NCR2: variants seen among roughly 807,000 people sequenced by gnomAD.
The protein encoded by NCR2 is natural cytotoxicity triggering receptor 2, also known as NK cell activating receptor (NKp44).
In NCR2, 35 loss-of-function variants were observed where a neutral mutation model predicts 30.7. That is an observed-to-expected ratio of 1.14 (90% CI 0.87 to 1.51). NCR2 has a LOEUF of 1.51. Among genes scored for constraint, NCR2 ranks in the 40% most tolerant of loss-of-function variants. The pLI is 0.00. For synonymous variants in NCR2, 146 were observed against 134.8 expected (o/e 1.08, Z -0.58); for missense variants, 316 against 328.9 (o/e 0.96, Z 0.30).
chr6:41,347,066 C>A (rs1769317727), intron 4 of NCR2, among the ~76,000 whole-genome samples: 1 of 152,146 alleles, frequency 6.6e-6, no homozygotes, highest in Admixed American at 6.5e-5. Flanking sequence ...CAAGAATATT[C>A]CAGCCGAGCA....
chr6:41,342,478 A>C (rs1224231805), intron 4 of NCR2, among the ~76,000 whole-genome samples: 1,101 of 53,016 alleles, frequency 0.021, no homozygotes, highest in Admixed American at 0.03. Context: ...TTCCCATTCC[A>C]CCCCCTTCCT....
At chr6:41,345,627 G>C (rs189532679) in intron 4 of NCR2, among the ~76,000 whole-genome samples, 1 of 151,938 alleles carries the variant, frequency 6.6e-6, no homozygotes, top group Admixed American at 6.6e-5. Context: ...TCAGACTCCA[G>C]TACAGCCTCT....
At chr6:41,343,033 C>T (rs1244105748) in intron 4 of NCR2, 1 of 1,548,464 alleles carries the variant, frequency 6.5e-7, no homozygotes, top group South Asian at 1.2e-5. Flanking sequence ...AGGTGGGCGG[C>T]CAGTCTCCAA....
rs1440583703 is a variant in NCR2 at position 41,341,816 on chromosome 6, C to G, written c.417C>G (p.Ser139=). The change falls in exon 3 of 5, where the codon TCC becomes TCG. Residue 139 remains serine (S), a synonymous_variant. Coordinates refer to ENST00000373089, the MANE Select transcript of NCR2 (RefSeq NM_004828.4). Reference sequence around the variant, plus strand: ...CAGCCTCTGCCTCCACACAGACCTCCTGGACTCCCCGCGACCTGGTCTCTT... The same window carrying G: ...CAGCCTCTGCCTCCACACAGACCTCGTGGACTCCCCGCGACCTGGTCTCTT... ...VSPASASTQT[S]WTPRDLVSSQ... 2 of 1,612,296 alleles carry G rather than the reference C, an allele frequency of 1.2e-6. No individual in the cohort carries two copies. The highest frequency in any genetic ancestry group is 1.7e-6 in the Non-Finnish European group (2 of 1,179,826).
chr6:41,336,109 TCAG>T lies in NCR2; in HGVS notation c.76_78del (p.Gln26del). ...CAGGCTCTCAGGCACAATCCAAGGC[TCAG>T]GTACTTCAAAGTGTGGCAGGGCAGA... is the stretch of plus-strand genomic sequence containing the variant. On this transcript the variant is annotated inframe_deletion, in exon 2 of 5. Transcript: ENST00000373089. 1.2e-6 allele frequency: 2 copies of T among 1,613,908 alleles called. No homozygotes were observed. The highest frequency in any genetic ancestry group is 8.5e-7 in the Non-Finnish European group (1 of 1,179,938).
At chr6:41,337,673 G>A (rs769795898) in intron 2 of NCR2, among the ~76,000 whole-genome samples, 44 of 152,072 alleles carry the variant, frequency 2.9e-4, no homozygotes, top group African/African-American at 6.0e-4. Flanking sequence ...CTGGTCTCAC[G>A]GAGGTATAAT....
chr6:41,349,453 G>A (rs1025455954), intron 4 of NCR2, among the ~76,000 whole-genome samples: 1 of 152,126 alleles, frequency 6.6e-6, no homozygotes, highest in Non-Finnish European at 1.5e-5. Flanking sequence ...GTGTGCTCTT[G>A]GATGGGGGCT....
chr6:41,336,479 G>T, intron 2 of NCR2, 51 bp downstream of exon 2: 1 of 1,486,898 alleles, frequency 6.7e-7, no homozygotes. Context: ...CCCCCTTTTG[G>T]TGCCTCCATC....
At chr6:41,341,461 C>T (rs929397231) in intron 2 of NCR2, among the ~76,000 whole-genome samples, 6 of 152,184 alleles carry the variant, frequency 3.9e-5, no homozygotes, top group South Asian at 2.1e-4. Flanking sequence ...GGCAGAGAGC[C>T]GAAGGGGCCC....
In NCR2 at chr6:41,343,125, G is replaced by C. The variant is rs1421105344; in HGVS notation, c.644+976G>C. 7.6e-6 allele frequency: 8 copies of C among 1,059,376 alleles called. No individual in the cohort carries two copies. In the Admixed American group the frequency reaches 1.9e-4, roughly 26 times the overall value. The allele number at this position is 1,059,376 out of a possible 1,614,324, so 65.6% of individuals were successfully genotyped here. On this transcript the variant is annotated intron_variant, in intron 4 of 4. Transcript: ENST00000373089. ...AAGAAAAGGCCAGGACTTGATCCAA[G>C]GCCTTTAGCCACGCTCTCCCTGCAG...
intron 2 of NCR2, among the ~76,000 whole-genome samples, chr6:41,341,542 G>A (rs1022955061): frequency 1.3e-5 from 2 of 152,230 alleles, no homozygotes; most frequent in South Asian, 4.1e-4. Context: ...AGTGCCTCCT[G>A]AGTCCTCTTC....
At chr6:41,340,746 C>T (rs567179313) in intron 2 of NCR2, among the ~76,000 whole-genome samples, 2 of 152,320 alleles carry the variant, frequency 1.3e-5, no homozygotes, top group South Asian at 4.1e-4. Context: ...CCATAGATGA[C>T]ACATTCAATA....
In NCR2 at chr6:41,341,911, C is replaced by T. The variant is rs1769180862; in HGVS notation, c.512C>T (p.Thr171Ile). Reference sequence around the variant, plus strand: ...AGACAAGCCCCTGAGTCTCCATCTACCATCCCTGTCCCTTCACAGTGAGTT... The same window carrying T: ...AGACAAGCCCCTGAGTCTCCATCTATCATCCCTGTCCCTTCACAGTGAGTT... ...GARQAPESPS[T>I]IPVPSQPQNS... The change falls in exon 3 of 5, where the codon ACC becomes ATC. Residue 171 changes from threonine to isoleucine, a missense_variant. Transcript: ENST00000373089. 1.9e-6 allele frequency: 3 copies of T among 1,613,956 alleles called. No individual in the cohort carries two copies. The highest frequency in any genetic ancestry group is 2.5e-6 in the Non-Finnish European group (3 of 1,179,968).
chr6:41,340,567 C>T (rs1171273186), intron 2 of NCR2, among the ~76,000 whole-genome samples: 1 of 152,216 alleles, frequency 6.6e-6, no homozygotes, highest in African/African-American at 2.4e-5. Flanking sequence ...TTTGACAACA[C>T]CCAAGCTGGT....
At chr6:41,350,204 T>C (rs1172014232) in intron 4 of NCR2, among the ~76,000 whole-genome samples, 2 of 152,200 alleles carry the variant, frequency 1.3e-5, no homozygotes, top group African/African-American at 4.8e-5. Context: ...ATTACCAAGC[T>C]ATTTGGATTT....
chr6:41,347,833 G>A (rs1315058429), intron 4 of NCR2, among the ~76,000 whole-genome samples: 5 of 152,146 alleles, frequency 3.3e-5, no homozygotes, highest in Admixed American at 6.6e-5. Context: ...CAAGAAGTGC[G>A]GTGGTAGGGA....
At chr6:41,340,439 G>A (rs1161140199) in intron 2 of NCR2, among the ~76,000 whole-genome samples, 3 of 152,160 alleles carry the variant, frequency 2.0e-5, no homozygotes, top group South Asian at 4.1e-4. Context: ...CGGGATTACA[G>A]GCGTGAGCCA....
At chr6:41,338,112 C>T (rs917122635) in intron 2 of NCR2, among the ~76,000 whole-genome samples, 2 of 152,264 alleles carry the variant, frequency 1.3e-5, no homozygotes, top group South Asian at 4.1e-4. Context: ...AAACATGTCG[C>T]TTTACTTCCT....
chr6:41,341,530 C>T (rs892185443), intron 2 of NCR2, among the ~76,000 whole-genome samples: 2 of 152,132 alleles, frequency 1.3e-5, no homozygotes, highest in African/African-American at 2.4e-5. Context: ...TCCAAAGACT[C>T]GAGTGCCTCC....
Sources: allele counts gnomAD v4.1 joint callset (sites outside exome capture counted in the v4.1 genomes callset), GRCh38; gene constraint gnomAD v4.1.1; transcripts MANE v1.5; gene names NCBI Gene and HGNC (gene_info 2026-07-23, HGNC 2026-07-21).